Variants in CCDC120 observed in about 807,000 individuals in gnomAD.
CCDC120 encodes coiled-coil domain-containing protein 120.
Under a neutral mutation model 37.6 loss-of-function variants are expected in CCDC120, and 16 were observed. That is an observed-to-expected ratio of 0.43 (90% CI 0.29 to 0.65). The LOEUF is 0.65. Ranked by LOEUF, CCDC120 falls within the 30% of genes least tolerant of loss-of-function variation. CCDC120 has a pLI of 0.18. For synonymous variants in CCDC120, 309 were observed against 275.4 expected (o/e 1.12, Z -1.21); for missense variants, 650 against 657.4 (o/e 0.99, Z 0.12).
At position 49,062,295 on chromosome X, in the gene CCDC120, C is replaced by A. The variant is rs2064894930; in HGVS notation, c.124C>A (p.Leu42Met). 3 of 1,209,931 alleles carry A rather than the reference C, an allele frequency of 2.5e-6. No individual in the cohort carries two copies. The South Asian group carries it at 5.3e-5, about 21-fold the overall frequency. The change falls in exon 3 of 11, where the codon CTG becomes ATG. Residue 42 changes from leucine to methionine, a missense_variant. Around this residue, in one of 3 missense-constraint regions of CCDC120, gnomAD observed 64 missense variants for 65.2 expected, o/e 0.98. Coordinates refer to ENST00000603986, the MANE Select transcript of CCDC120 (RefSeq NM_001163321.4). ...DSTKMEVKGQ[L>M]ISSPTFNAPA... is the part of the protein sequence containing the mutation. ...CACCAAGATGGAAGTCAAAGGTCAG[C>A]TGATCAGCTCTCCTACCTTCAATGC...
intron 7 of CCDC120, 39 bp downstream of exon 7, chrX:49,065,137 A>G: frequency 8.6e-7 from 1 of 1,161,299 alleles, no homozygotes; most frequent in Non-Finnish European, 1.2e-6. Flanking sequence ...CCCGACTCCT[A>G]CGTCCCTTTA....
Position 49,068,091 on chromosome X carries a change from G to A in CCDC120, c.1976+1G>A. The A allele has an allele frequency of 8.6e-7, 1 of 1,163,791 alleles. No homozygotes were observed. Among genetic ancestry groups the A allele is most frequent in the Non-Finnish European group, 1.1e-6 (1 of 871,473 alleles). The stretch of plus-strand genomic sequence containing the variant: ...TCACGGCGCCCCCTGTCTCTGGCAG[G>A]TATGGGGGGTGCTTTTACTGATGGG... On this transcript the variant is annotated splice_donor_variant, in intron 10 of 10. Transcript: ENST00000603986. LOFTEE classifies it high-confidence loss of function.
At chrX:49,065,981 C>T (rs1383192401) in intron 9 of CCDC120, 136 bp downstream of exon 9, 15 of 589,227 alleles carry the variant, frequency 2.5e-5, no homozygotes, top group African/African-American at 9.2e-5. Flanking sequence ...CCAGCACTTT[C>T]GGAGGCCGAG....
chrX:49,068,571 G>A lies in CCDC120; in HGVS notation c.2004G>A (p.Pro668=), dbSNP rs782579923. Residue 668 remains proline, a synonymous_variant, in exon 11 of 11, where the codon CCG becomes CCA. Coordinates refer to ENST00000603986, the MANE Select transcript of CCDC120 (RefSeq NM_001163321.4). The part of the protein sequence containing the change: ...GRYYADFLYP[P]ELSARLSDLT... Reference sequence around the variant, plus strand: ...ACTACGCGGACTTCCTGTATCCCCCGGAGCTGAGCGCTCGTTTAAGTGACC... The same window carrying A: ...ACTACGCGGACTTCCTGTATCCCCCAGAGCTGAGCGCTCGTTTAAGTGACC... The A allele has an allele frequency of 3.3e-5, 38 of 1,152,972 alleles. No homozygotes were observed. Among genetic ancestry groups the A allele is most frequent in the Admixed American group, 5.4e-5 (2 of 37,030 alleles).
intron 6 of CCDC120, 86 bp downstream of exon 6, chrX:49,064,750 C>T (rs2064932487): frequency 5.8e-6 from 6 of 1,036,798 alleles, no homozygotes; most frequent in African/African-American, 3.8e-5. Context: ...CGGTGAAAAC[C>T]GGGAGGTAGG....
rs371703097 is a variant in CCDC120 at position 49,067,570 on chromosome X, C to T, written c.1456C>T (p.Arg486Trp). The change falls in exon 10 of 11, where the codon CGG (arginine) becomes TGG (tryptophan). Residue 486 changes from arginine to tryptophan, a missense_variant. Physicochemically the swap from Arg to Trp is moderately radical, Grantham distance 101. Transcript: ENST00000603986. ...CTTCCTCTTGGACTATTCCTTGGAC[C>T]GGGGCCTGCCCCGCAGTGGCGGTGG... Reference protein sequence around the residue: ...GDFLLDYSLDRGLPRSGGGTG... With the variant: ...GDFLLDYSLDWGLPRSGGGTG... The T allele has an allele frequency of 1.4e-4, 163 of 1,173,651 alleles. No individual in the cohort carries two copies. The East Asian group carries it at 1.6e-3, about 12-fold the overall frequency.
intron 7 of CCDC120, 51 bp downstream of exon 7, chrX:49,065,149 C>T (rs1557080788): frequency 6.2e-6 from 7 of 1,120,123 alleles, no homozygotes; most frequent in East Asian, 3.0e-5. Flanking sequence ...GTCCCTTTAG[C>T]CCATCCCCTT....
At chrX:49,062,346 C>G in intron 3 of CCDC120, 21 bp downstream of exon 3, 1 of 1,204,404 alleles carries the variant, frequency 8.3e-7, no homozygotes, top group Non-Finnish European at 1.1e-6. Context: ...GCTTCCCCTC[C>G]TGCTGCCTCC....
chrX:49,066,963 G>T, intron 9 of CCDC120: 1 of 412,034 alleles, frequency 2.4e-6, no homozygotes. Context: ...CCTCCCCCAC[G>T]CATTTCTACC....
chrX:49,061,754 T>A, intron 1 of CCDC120: 2 of 389,573 alleles, frequency 5.1e-6, no homozygotes, highest in Non-Finnish European at 8.8e-6. Flanking sequence ...GGGGTGGGCC[T>A]GGTTTATGTC....
At position 49,067,511 on chromosome X, in the gene CCDC120, G is replaced by C. The variant is rs782058115; in HGVS notation, c.1397G>C (p.Arg466Pro). Residue 466 changes from arginine (R) to proline (P), a missense_variant, in exon 10 of 11, where the codon CGA (arginine) becomes CCA (proline). Arg to Pro is a moderately radical substitution (Grantham distance 103). Transcript: ENST00000603986. ...CCTAGCTCAGCTGCCCCTGCCTCCC[G>C]AGGTGCCCCCCGGCTCCCACCTGTG... ...ARPSSAAPAS[R>P]GAPRLPPVCG... is the part of the protein sequence containing the mutation. 2 of 1,165,317 alleles carry C rather than the reference G, an allele frequency of 1.7e-6. No homozygotes were observed. Among genetic ancestry groups the C allele is most frequent in the Non-Finnish European group, 2.3e-6 (2 of 870,819 alleles).
At chrX:49,058,161 A>G (rs782352256), upstream of CCDC120, among the ~76,000 whole-genome samples, 1 of 111,973 alleles carries the variant, frequency 8.9e-6, no homozygotes, top group African/African-American at 3.2e-5. Flanking sequence ...TTCTGCATCT[A>G]TAAAATGGCT....
chrX:49,067,970 C>T lies in CCDC120; in HGVS notation c.1856C>T (p.Pro619Leu), dbSNP rs782045479. The T allele has an allele frequency of 6.1e-5, 70 of 1,155,140 alleles. No individual in the cohort carries two copies. In the East Asian group the frequency reaches 9.5e-4, roughly 16 times the overall value. Reference protein sequence around the residue: ...QRRPVLPSVGPPHPPFLHARC... With the variant: ...QRRPVLPSVGLPHPPFLHARC... ...CGGCCTGTGCTCCCTTCCGTGGGCCCGCCACACCCACCCTTCCTCCATGCC... is the reference window on the plus strand; with the variant it reads ...CGGCCTGTGCTCCCTTCCGTGGGCCTGCCACACCCACCCTTCCTCCATGCC... The change falls in exon 10 of 11, where the codon CCG (proline) becomes CTG (leucine). Residue 619 changes from proline to leucine, a missense_variant. By Grantham distance (98) the Pro-to-Leu change is moderately conservative (BLOSUM62 -3). Around this residue, in one of 3 missense-constraint regions of CCDC120, gnomAD observed 576 missense variants for 565.3 expected, o/e 1.02. Coordinates refer to ENST00000603986, the MANE Select transcript of CCDC120 (RefSeq NM_001163321.4).
chrX:49,062,809 C>T (rs1252372628), intron 4 of CCDC120: 2 of 451,221 alleles, frequency 4.4e-6, no homozygotes, highest in Non-Finnish European at 7.3e-6. Flanking sequence ...CCTGTAATCC[C>T]AGCACTTTGG....
chrX:49,058,259 G>T (rs782253311), upstream of CCDC120, among the ~76,000 whole-genome samples: 5 of 112,045 alleles, frequency 4.5e-5, no homozygotes, highest in Non-Finnish European at 9.4e-5. Flanking sequence ...GGTGTAAGTT[G>T]TGCTTGATTT....
Position 49,067,030 on chromosome X carries a change from C to T in CCDC120, c.1062-146C>T, listed in dbSNP as rs73495846. ...CTGCCCTTTACATGTCACTACCTGCCACCTTTATACACACAGCTTCCAACC... is the reference window on the plus strand; with the variant it reads ...CTGCCCTTTACATGTCACTACCTGCTACCTTTATACACACAGCTTCCAACC... On this transcript the variant is annotated intron_variant, in intron 9 of 10. Coordinates refer to ENST00000603986, the MANE Select transcript of CCDC120 (RefSeq NM_001163321.4). 3,710 of 500,294 alleles carry T rather than the reference C, an allele frequency of 7.4e-3. 97 individuals are homozygous for T. The African/African-American group carries it at 0.079, about 11-fold the overall frequency. 41.2% of individuals were successfully genotyped at this position (500,294 alleles called of 1,213,427 possible).
upstream of CCDC120, among the ~76,000 whole-genome samples, chrX:49,057,911 A>ACGT (rs2064842611): frequency 9.0e-6 from 1 of 111,464 alleles, no homozygotes; most frequent in Admixed American, 9.5e-5. Flanking sequence ...CAGGGACAGT[A>ACGT]CGTCGTAAGG....
At chrX:49,063,582 T>G (rs1557080086) in intron 4 of CCDC120, among the ~76,000 whole-genome samples, 1 of 110,620 alleles carries the variant, frequency 9.0e-6, no homozygotes, top group African/African-American at 3.3e-5. Context: ...TATATAATAC[T>G]TAGGATCTCG....
chrX:49,060,427 CAAAAAAAAAAAAAA>C lies in CCDC120; in HGVS notation c.-84+1347_-84+1360del, dbSNP rs58827125. Among the ~76,000 whole-genome samples the C allele has an allele frequency of 1.6e-3, 68 of 42,134 alleles. 1 individual carries two copies. In the East Asian group the frequency reaches 0.039, roughly 24 times the overall value. 36.6% of individuals were successfully genotyped at this position (42,134 alleles called of 115,157 possible). ...AAGTGACAGAGCCAGGCCCTATCTC[CAAAAAAAAAAAAAA>C]AAAAAAAAAAAAAAGAATCGAAGCA... is the stretch of plus-strand genomic sequence containing the variant. On this transcript the variant is annotated intron_variant, in intron 1 of 10. Coordinates refer to ENST00000603986, the MANE Select transcript of CCDC120 (RefSeq NM_001163321.4).
Sources: gnomAD v4.1 joint callset for allele counts (sites outside exome capture counted in the v4.1 genomes callset) on GRCh38, gnomAD v4.1.1 for gene constraint, gnomAD v4.1.1 regional missense constraint, MANE v1.5 for transcripts, NCBI Gene and HGNC (gene_info 2026-07-23, HGNC 2026-07-21) for gene names.